Variants in CFAP61 observed in about 807,000 individuals in gnomAD.
CFAP61 encodes cilia and flagella associated protein 61.
Under a neutral mutation model 135.6 loss-of-function variants are expected in CFAP61, and 107 were observed. The ratio of observed to expected loss-of-function variants is 0.79; its 90% CI spans 0.67 to 0.93. The LOEUF (loss-of-function observed/expected upper bound fraction) is 0.93, where lower values mean the gene tolerates loss of function less well. CFAP61 is among the 40% of genes least tolerant of loss of function. The pLI, the probability that CFAP61 is intolerant of heterozygous loss-of-function variation, is 0.00. For synonymous variants in CFAP61, 575 were observed against 578.5 expected (o/e 0.99, Z 0.09); for missense variants, 1,507 against 1,556.2 (o/e 0.97, Z 0.53).
At chr20:20,312,970 A>G (rs73287374) in intron 25 of CFAP61, among the ~76,000 whole-genome samples, 297 of 152,240 alleles carry the variant, frequency 2.0e-3, no homozygotes, top group African/African-American at 6.9e-3. Flanking sequence ...TAATTTCTCT[A>G]TTGCCTTACT....
chr20:20,332,294 T>G (rs1440398942), intron 25 of CFAP61, among the ~76,000 whole-genome samples: 2 of 152,186 alleles, frequency 1.3e-5, no homozygotes, highest in Non-Finnish European at 2.9e-5. Flanking sequence ...GTCTAAACAT[T>G]ATGCTATTTC....
Position 20,199,865 on chromosome 20 carries a change from G to A in CFAP61, c.1895G>A (p.Gly632Asp), listed in dbSNP as rs773508255. The A allele has an allele frequency of 6.2e-7, 1 of 1,614,138 alleles. No individual in the cohort carries two copies. Among genetic ancestry groups the A allele is most frequent in the Non-Finnish European group, 8.5e-7 (1 of 1,180,032 alleles). ...RQIVYPLEKL[G>D]INAPSKAVSK... ...ATTGTCTATCCTCTGGAAAAGCTTG[G>A]CATAAACGCTCCATCAAAGGCGGTC... is the stretch of plus-strand genomic sequence containing the variant. The change falls in exon 17 of 27, where the codon GGC (glycine) becomes GAC (aspartate). Residue 632 changes from glycine (G) to aspartate (D), a missense_variant. Gly to Asp is a moderately conservative substitution (Grantham distance 94). Transcript: ENST00000245957.
intron 20 of CFAP61, among the ~76,000 whole-genome samples, chr20:20,255,379 G>A (rs949329199): frequency 5.9e-5 from 9 of 152,218 alleles, no homozygotes; most frequent in East Asian, 5.8e-4. Flanking sequence ...TTGAGCATGA[G>A]AAGACTGTGG....
chr20:20,292,314 G>GT (rs1282933032), intron 24 of CFAP61, among the ~76,000 whole-genome samples: 1 of 152,222 alleles, frequency 6.6e-6, no homozygotes, highest in African/African-American at 2.4e-5. Context: ...GGTAGATGCT[G>GT]TATGTTTAAA....
At chr20:20,333,909 G>C (rs1000598854) in intron 25 of CFAP61, among the ~76,000 whole-genome samples, 1 of 152,134 alleles carries the variant, frequency 6.6e-6, no homozygotes, top group Non-Finnish European at 1.5e-5. Context: ...CGTCAGGGGA[G>C]GTCGTGGGGC....
chr20:20,143,580 G>A (rs532997271), intron 9 of CFAP61, among the ~76,000 whole-genome samples: 2 of 152,274 alleles, frequency 1.3e-5, no homozygotes, highest in Admixed American at 1.3e-4. Context: ...CTAAAATATA[G>A]AAAACACTGT....
At chr20:20,097,378 A>G (rs1008599870) in intron 7 of CFAP61, among the ~76,000 whole-genome samples, 20 of 152,246 alleles carry the variant, frequency 1.3e-4, no homozygotes, top group African/African-American at 4.6e-4. Context: ...AAATCTACTA[A>G]TAATTATTTT....
intron 12 of CFAP61, among the ~76,000 whole-genome samples, chr20:20,166,866 C>A (rs2053876402): frequency 6.6e-6 from 1 of 152,198 alleles, no homozygotes; most frequent in South Asian, 2.1e-4. Flanking sequence ...GTTCCTCAGG[C>A]CTGACTTCAT....
chr20:20,277,530 G>T, intron 22 of CFAP61, 72 bp downstream of exon 22: 2 of 1,457,568 alleles, frequency 1.4e-6, no homozygotes, highest in Non-Finnish European at 9.3e-7. Flanking sequence ...TGGGGGTCTG[G>T]AAGATTGCGG....
intron 18 of CFAP61, among the ~76,000 whole-genome samples, chr20:20,244,121 T>G (rs2050241523): frequency 6.6e-6 from 1 of 152,196 alleles, no homozygotes; most frequent in African/African-American, 2.4e-5. Context: ...TTTCATGGGC[T>G]GGCATTGAGT....
intron 17 of CFAP61, among the ~76,000 whole-genome samples, chr20:20,224,238 G>A (rs2048580603): frequency 6.6e-6 from 1 of 152,146 alleles, no homozygotes; most frequent in Non-Finnish European, 1.5e-5. Flanking sequence ...GAAGCTCATA[G>A]GGAATTATAG....
intron 23 of CFAP61, among the ~76,000 whole-genome samples, chr20:20,289,626 G>A (rs1316391187): frequency 6.6e-6 from 1 of 152,202 alleles, no homozygotes; most frequent in Non-Finnish European, 1.5e-5. Flanking sequence ...GCCCAGTCCA[G>A]TCAATGGAAT....
rs765046644 is a variant in CFAP61 at position 20,166,465 on chromosome 20, A to G, written c.1245+29A>G. ...AGTACATGCTGAATTTTGAGAACTGATTTTGTAAGCTTAGAGAACTTATAG... is the reference window on the plus strand; with the variant it reads ...AGTACATGCTGAATTTTGAGAACTGGTTTTGTAAGCTTAGAGAACTTATAG... On this transcript the variant is annotated intron_variant, in intron 12 of 26. Transcript: ENST00000245957. The G allele has an allele frequency of 1.3e-5, 20 of 1,573,842 alleles. No homozygotes were observed. In the South Asian group the frequency reaches 2.2e-4, roughly 17 times the overall value.
At chr20:20,270,751 C>T (rs1408994812) in intron 21 of CFAP61, among the ~76,000 whole-genome samples, 1 of 151,608 alleles carries the variant, frequency 6.6e-6, no homozygotes, top group Non-Finnish European at 1.5e-5. Context: ...GCTCATGCAA[C>T]CTCTGTGCCC....
At chr20:20,172,124 A>G in intron 13 of CFAP61, 7 of 812,042 alleles carry the variant, frequency 8.6e-6, no homozygotes, top group Non-Finnish European at 1.1e-5. Flanking sequence ...AATTAAAAAG[A>G]AGAGGAAAAA....
At chr20:20,067,356 G>A (rs1223507853) in intron 2 of CFAP61, among the ~76,000 whole-genome samples, 1 of 152,076 alleles carries the variant, frequency 6.6e-6, no homozygotes, top group Non-Finnish European at 1.5e-5. Context: ...GTTGAGGTGG[G>A]TGGATCACGA....
At chr20:20,272,515 G>A (rs1373930914) in intron 21 of CFAP61, among the ~76,000 whole-genome samples, 1 of 152,152 alleles carries the variant, frequency 6.6e-6, no homozygotes, top group Non-Finnish European at 1.5e-5. Flanking sequence ...TATCTTACCT[G>A]TCTATACAGC....
intron 8 of CFAP61, among the ~76,000 whole-genome samples, chr20:20,099,282 T>C (rs973291876): frequency 6.6e-6 from 1 of 152,222 alleles, no homozygotes; most frequent in African/African-American, 2.4e-5. Context: ...TATAGGTCTG[T>C]TGCAAGTAGT....
In CFAP61 at chr20:20,277,144, A is replaced by G. The variant is rs554111508; in HGVS notation, c.2504-22A>G. 1.5e-4 allele frequency: 229 copies of G among 1,576,842 alleles called. 3 individuals are homozygous for G. In the South Asian group the frequency reaches 2.2e-3, roughly 15 times the overall value. ...TTTGGTTTTCTGAACTGTATATCTT[A>G]GCGTTTTCCCTTCTTTCCTAGGGAA... On this transcript the variant is annotated intron_variant, in intron 21 of 26. Coordinates refer to ENST00000245957, the MANE Select transcript of CFAP61 (RefSeq NM_015585.4).
Sources: allele counts gnomAD v4.1 joint callset (sites outside exome capture counted in the v4.1 genomes callset), GRCh38; gene constraint gnomAD v4.1.1; transcripts MANE v1.5; gene names NCBI Gene and HGNC (gene_info 2026-07-23, HGNC 2026-07-21).